Variants in LETM2 observed in about 807,000 individuals in gnomAD.
LETM2 encodes the protein leucine zipper and EF-hand containing transmembrane protein 2.
In LETM2, 58 loss-of-function variants were observed where a neutral mutation model predicts 59.6. The observed-to-expected ratio is 0.97, with a 90% confidence interval of 0.79 to 1.21. The LOEUF is 1.21. Among genes scored for constraint, LETM2 ranks in the 50% most tolerant of loss-of-function variants. The pLI, the probability that LETM2 is intolerant of heterozygous loss-of-function variation, is 0.00. For missense variants in LETM2, 572 were observed against 575.7 expected (o/e 0.99, Z 0.07); for synonymous variants, 199 against 214.1 (o/e 0.93, Z 0.62).
At position 38,394,611 on chromosome 8, in the gene LETM2, G is replaced by T. The variant is rs192802600; in HGVS notation, c.645+370G>T. ...AATTCTAGCACTTTGGGAGGTTGAG[G>T]CAGGTGGATCGCCTGAGCCCAGGAG... On this transcript the variant is annotated intron_variant, in intron 4 of 10. Coordinates refer to ENST00000379957, the MANE Select transcript of LETM2 (RefSeq NM_001286819.2). Among the ~76,000 whole-genome samples the T allele has an allele frequency of 5.3e-5, 8 of 152,154 alleles. No individual in the cohort carries two copies. The East Asian group carries it at 1.5e-3, about 29-fold the overall frequency.
chr8:38,408,564 T>C lies in LETM2; in HGVS notation c.*290T>C, dbSNP rs1303379530. Reference sequence around the variant, plus strand: ...CCATCATGTTGTTTTTTTAGTTTCATGTGTACGTCCCTTCAGAGAGGAAAT... The same window carrying C: ...CCATCATGTTGTTTTTTTAGTTTCACGTGTACGTCCCTTCAGAGAGGAAAT... On this transcript the variant is annotated 3_prime_UTR_variant, in exon 11 of 11. Coordinates refer to ENST00000379957, the MANE Select transcript of LETM2 (RefSeq NM_001286819.2). 2 of 283,312 alleles carry C rather than the reference T, an allele frequency of 7.1e-6. No homozygotes were observed. The highest frequency in any genetic ancestry group is 4.9e-5 in the Admixed American group (1 of 20,230). 17.5% of individuals were successfully genotyped at this position (283,312 alleles called of 1,614,324 possible).
At position 38,408,374 on chromosome 8, in the gene LETM2, C is replaced by A. The variant is rs956037477; in HGVS notation, c.*100C>A. Reference sequence around the variant, plus strand: ...GATAAGACTGTCTGGCTTCAGAGAGCGGATCAGCTGTTTAGCCCGTGGGGC... The same window carrying A: ...GATAAGACTGTCTGGCTTCAGAGAGAGGATCAGCTGTTTAGCCCGTGGGGC... On this transcript the variant is annotated 3_prime_UTR_variant, in exon 11 of 11. Transcript: ENST00000379957. 5 of 1,053,976 alleles carry A rather than the reference C, an allele frequency of 4.7e-6. No homozygotes were observed. The highest frequency in any genetic ancestry group is 2.1e-5 in the Admixed American group (1 of 47,486). The allele number at this position is 1,053,976 out of a possible 1,614,324, so 65.3% of individuals were successfully genotyped here.
chr8:38,400,869 A>G lies in LETM2; in HGVS notation c.800A>G (p.Lys267Arg). The G allele has an allele frequency of 1.2e-6, 2 of 1,614,220 alleles. No homozygotes were observed. Among genetic ancestry groups the G allele is most frequent in the Non-Finnish European group, 1.7e-6 (2 of 1,180,042 alleles). The change falls in exon 6 of 11, where the codon AAG becomes AGG. Residue 267 changes from lysine (K) to arginine (R), a missense_variant. Physicochemically the swap from Lys to Arg is conservative, Grantham distance 26 (BLOSUM62 2). Coordinates refer to ENST00000379957, the MANE Select transcript of LETM2 (RefSeq NM_001286819.2). ...ACTGCATAGGTCCAGACAGGCCACAAGCCCAGCACAAAGGAGATAGTTCGC... is the reference window on the plus strand; with the variant it reads ...ACTGCATAGGTCCAGACAGGCCACAGGCCCAGCACAAAGGAGATAGTTCGC... ...SYVKQVQTGH[K>R]PSTKEIVRFS...
At chr8:38,400,532 CA>C in intron 5 of LETM2, 123 bp downstream of exon 5, 2 of 915,458 alleles carry the variant, frequency 2.2e-6, no homozygotes, top group Non-Finnish European at 3.3e-6. Flanking sequence ...AAATTATGAA[CA>C]TATAATATTG....
At position 38,409,237 on chromosome 8, in the gene LETM2, G is replaced by A. The variant is rs1455154019; in HGVS notation, c.*963G>A. On this transcript the variant is annotated 3_prime_UTR_variant, in exon 11 of 11. Transcript: ENST00000379957. The stretch of plus-strand genomic sequence containing the variant: ...AGGCCAAAGGTATTTCAGCCTGTAG[G>A]TGATAAAATTAGATTTCTTTACTTG... 6.6e-6 allele frequency: 1 copy of A among 152,238 alleles called. No homozygotes were observed. Among genetic ancestry groups the A allele is most frequent in the Non-Finnish European group, 1.5e-5 (1 of 68,048 alleles). The allele number at this position is 152,238 out of a possible 1,614,324, so 9.4% of individuals were successfully genotyped here. A position where few individuals can be genotyped will look rare whatever the true frequency, so the allele number is the denominator to read the frequency against.
At chr8:38,399,949 A>AAG (rs3138841) in intron 4 of LETM2, among the ~76,000 whole-genome samples, 7,501 of 148,004 alleles carry the variant, frequency 0.051, 221 homozygotes, top group African/African-American at 0.072. Flanking sequence ...TGATCTCAAA[A>AAG]AGAGAGAGAG....
chr8:38,391,465 G>C (rs974710953), intron 2 of LETM2, among the ~76,000 whole-genome samples: 1 of 151,630 alleles, frequency 6.6e-6, no homozygotes, highest in South Asian at 2.1e-4. Context: ...ACCACGCCCA[G>C]CTAATTTTTG....
At chr8:38,395,552 G>A (rs1412278883) in intron 4 of LETM2, among the ~76,000 whole-genome samples, 8 of 151,680 alleles carry the variant, frequency 5.3e-5, no homozygotes, top group African/African-American at 1.9e-4. Flanking sequence ...GTCTGGCTCT[G>A]TCACCCAGGC....
chr8:38,387,346 C>T (rs2978081), intron 1 of LETM2: 5 of 152,240 alleles, frequency 3.3e-5, no homozygotes, highest in African/African-American at 4.8e-5. Context: ...CAGAAAAGCG[C>T]CCCTGGATGG....
At chr8:38,391,085 T>C (rs1193241343) in intron 2 of LETM2, among the ~76,000 whole-genome samples, 1 of 150,498 alleles carries the variant, frequency 6.6e-6, no homozygotes. Context: ...CTTGTGTTGA[T>C]TTCTTCCACA....
Position 38,394,184 on chromosome 8 carries a change from G to A in LETM2, c.588G>A (p.Val196=). 1 of 1,517,294 alleles carries A rather than the reference G, an allele frequency of 6.6e-7. No homozygotes were observed. Among genetic ancestry groups the A allele is most frequent in the Non-Finnish European group, 8.8e-7 (1 of 1,139,296 alleles). The allele number at this position is 1,517,294 out of a possible 1,614,324, so 94.0% of individuals were successfully genotyped here. A position where few individuals can be genotyped will look rare whatever the true frequency, so the allele number is the denominator to read the frequency against. Residue 196 remains valine, a synonymous_variant, in exon 4 of 11, where the codon GTG becomes GTA. Coordinates refer to ENST00000379957, the MANE Select transcript of LETM2 (RefSeq NM_001286819.2). Reference sequence around the variant, plus strand: ...CCTTCATGGAATTCTTATTACCAGTGTTTCTGAAACTCTTCCCAGAGATGT... The same window carrying A: ...CCTTCATGGAATTCTTATTACCAGTATTTCTGAAACTCTTCCCAGAGATGT... ...IVPFMEFLLP[V]FLKLFPEMLP... is the part of the protein sequence containing the mutation.
chr8:38,392,577 C>G lies in LETM2; in HGVS notation c.83C>G (p.Ser28Cys). 2.5e-6 allele frequency: 4 copies of G among 1,612,468 alleles called. No homozygotes were observed. Among genetic ancestry groups the G allele is most frequent in the Non-Finnish European group, 3.4e-6 (4 of 1,179,858 alleles). ...PSHFVHPTCS[S>C]YSPSCAFLHL... Reference sequence around the variant, plus strand: ...CATTTTGTCCATCCTACCTGCTCTTCTTATTCCCCATCATGTGCATTTCTT... The same window carrying G: ...CATTTTGTCCATCCTACCTGCTCTTGTTATTCCCCATCATGTGCATTTCTT... The change falls in exon 3 of 11, where the codon TCT becomes TGT. Residue 28 changes from serine to cysteine, a missense_variant. Ser to Cys is a moderately radical substitution (Grantham distance 112, BLOSUM62 -1). Coordinates refer to ENST00000379957, the MANE Select transcript of LETM2 (RefSeq NM_001286819.2).
intron 4 of LETM2, among the ~76,000 whole-genome samples, chr8:38,397,730 A>G (rs1812805561): frequency 6.6e-6 from 1 of 152,152 alleles, no homozygotes; most frequent in Non-Finnish European, 1.5e-5. Context: ...GTTTTGGAGG[A>G]ATAATTTTGC....
chr8:38,393,049 G>C (rs1041881097), intron 3 of LETM2, 54 bp downstream of exon 3: 2 of 1,416,250 alleles, frequency 1.4e-6, no homozygotes, highest in East Asian at 4.6e-5. Flanking sequence ...TGAACTATTT[G>C]GGAACTCAAC....
rs775704258 is a variant in LETM2, at chr8:38,402,512, A to G, written c.985-13A>G. The G allele has an allele frequency of 5.1e-5, 83 of 1,613,456 alleles. No homozygotes were observed. Among genetic ancestry groups the G allele is most frequent in the Non-Finnish European group, 1.6e-5 (19 of 1,179,522 alleles). ...ATCAAAAGTTCCAACTCCATCCCTT[A>G]CATTTCTTTCAGATAATTGCCAAGG... On this transcript the variant is annotated splice_polypyrimidine_tract_variant and intron_variant, in intron 6 of 10. Transcript: ENST00000379957.
At chr8:38,385,758 C>T (rs1275598946), upstream of LETM2, among the ~76,000 whole-genome samples, 1 of 152,136 alleles carries the variant, frequency 6.6e-6, no homozygotes, top group African/African-American at 2.4e-5. Flanking sequence ...GAAAAGATAA[C>T]TGGGGAATGA....
upstream of LETM2, among the ~76,000 whole-genome samples, chr8:38,383,828 G>T (rs1811669347): frequency 6.6e-6 from 1 of 151,712 alleles, no homozygotes; most frequent in African/African-American, 2.4e-5. Flanking sequence ...TACTCAGGAG[G>T]CTGAGGCAGG....
intron 2 of LETM2, 98 bp from the exon 3 acceptor site, chr8:38,392,444 A>G (rs2150418048): frequency 2.5e-6 from 2 of 796,292 alleles, no homozygotes; most frequent in South Asian, 3.4e-5. Context: ...TATTTTGACC[A>G]GATGTACTAT....
upstream of LETM2, chr8:38,382,968 C>A (rs950520620): frequency 1.3e-5 from 2 of 152,182 alleles, no homozygotes; most frequent in African/African-American, 4.8e-5. This position sits in a 1 kb window ranked among gnomAD's most constrained non-coding sequence, Gnocchi z 4.2. Flanking sequence ...CCCCGGCAGG[C>A]GCCGGCCCCG....
Sources: gnomAD v4.1 joint callset for allele counts (sites outside exome capture counted in the v4.1 genomes callset) on GRCh38, gnomAD v4.1.1 for gene constraint, Gnocchi (gnomAD v3.1) non-coding constraint, MANE v1.5 for transcripts, NCBI Gene and HGNC (gene_info 2026-07-23, HGNC 2026-07-21) for gene names.